The following ASIP variants were observed in gnomAD, a reference collection of about 807,000 sequenced individuals.
ASIP encodes agouti-signaling protein.
In ASIP, 11 loss-of-function variants were observed where a neutral mutation model predicts 10.3. That is an observed-to-expected ratio of 1.07 (90% confidence interval 0.68 to 1.78). The LOEUF is 1.78. ASIP is among the 40% of genes most tolerant of loss of function. ASIP has a pLI of 0.00. For synonymous variants in ASIP, 70 were observed against 70.8 expected, an observed-to-expected ratio of 0.99 and a Z score of 0.06; for missense variants, 180 against 169.2, an observed-to-expected ratio of 1.06 and a Z score of -0.35.
At position 34,215,535 on chromosome 20, in the gene ASIP, T is replaced by C. The variant is rs1484446811; in HGVS notation, c.-11+20775T>C. ...TGTCAAAAAAAAAACTTGGGCCACT[T>C]AGTGAGATATTCTGCAACAAAAAGC... On this transcript the variant is annotated intron_variant, in intron 1 of 3. Coordinates refer to the ASIP transcript ENST00000568305. The C allele has an allele frequency of 1.8e-5, 27 of 1,516,182 alleles. 1 individual carries two copies. The highest frequency in any genetic ancestry group is 1.7e-4 in the Middle Eastern group (1 of 5,900). 93.9% of individuals were successfully genotyped at this position (1,516,182 alleles called of 1,614,324 possible).
At chr20:34,261,742 C>T (rs1186122385) in intron 2 of ASIP, among the ~76,000 whole-genome samples, 1 of 152,128 alleles carries the variant, frequency 6.6e-6, no homozygotes, top group Admixed American at 6.6e-5. Flanking sequence ...GTCGACGCTG[C>T]AGTGAGCTAT....
intron 3 of ASIP, among the ~76,000 whole-genome samples, chr20:34,264,099 A>G (rs949295021): frequency 6.6e-6 from 1 of 152,248 alleles, no homozygotes; most frequent in African/African-American, 2.4e-5. Flanking sequence ...TGTAGATACT[A>G]GTCTATTTTA....
intron 1 of ASIP, among the ~76,000 whole-genome samples, chr20:34,211,799 T>G (rs371270919): frequency 2.0e-5 from 3 of 152,366 alleles, no homozygotes; most frequent in East Asian, 3.9e-4. Context: ...GTAAACTGAC[T>G]TTTTTCTTGT....
At chr20:34,236,185 G>A (rs1230325978) in intron 1 of ASIP, among the ~76,000 whole-genome samples, 1 of 151,294 alleles carries the variant, frequency 6.6e-6, no homozygotes, top group Non-Finnish European at 1.5e-5. Flanking sequence ...AGAAAGAAAA[G>A]GCTAAACCTG....
At chr20:34,192,823 T>G (rs2034832773), upstream of ASIP, among the ~76,000 whole-genome samples, 1 of 152,204 alleles carries the variant, frequency 6.6e-6, no homozygotes, top group East Asian at 1.9e-4. Context: ...TTAAAAAAAT[T>G]TTATGGATAC....
At chr20:34,213,399 G>T in intron 1 of ASIP, 1 of 686,764 alleles carries the variant, frequency 1.5e-6, no homozygotes, top group Non-Finnish European at 2.5e-6. Flanking sequence ...GTGGAGTGTT[G>T]CTATAACCAA....
rs1568745269 is a variant in ASIP, at chr20:34,203,442, A to ACAG, written c.-11+8682_-11+8683insCAG. 3.7e-4 allele frequency among the ~76,000 whole-genome samples: 56 copies of ACAG among 151,874 alleles called. No homozygotes were observed. In the South Asian group the frequency reaches 7.5e-3, roughly 20 times the overall value. ...AGACACGGTTTCACTCTGTCACTCAAGCTGGAGTGCAGTGGCATGATTTTG... is the reference window on the plus strand; with the variant it reads ...AGACACGGTTTCACTCTGTCACTCAACAGGCTGGAGTGCAGTGGCATGATTTTG... On this transcript the variant is annotated intron_variant, in intron 1 of 3. Coordinates refer to the ASIP transcript ENST00000568305.
chr20:34,240,976 C>G (rs1007125109), upstream of ASIP, among the ~76,000 whole-genome samples: 1 of 152,146 alleles, frequency 6.6e-6, no homozygotes, highest in Non-Finnish European at 1.5e-5. Flanking sequence ...GGGAAGCCAG[C>G]TCTGGGAGAT....
intron 3 of ASIP, among the ~76,000 whole-genome samples, chr20:34,265,062 T>A (rs1194367630): frequency 6.6e-6 from 1 of 152,158 alleles, no homozygotes; most frequent in African/African-American, 2.4e-5. Context: ...CCTAAACTGC[T>A]GGGATTACCT....
chr20:34,215,793 C>T, intron 1 of ASIP: 1 of 1,543,486 alleles, frequency 6.5e-7, no homozygotes, highest in South Asian at 1.1e-5. Context: ...ACCTGCCAGG[C>T]ATCTGGGGAA....
chr20:34,245,862 A>G (rs1419792489), intron 1 of ASIP: 8 of 834,054 alleles, frequency 9.6e-6, no homozygotes, highest in Non-Finnish European at 1.1e-5. Context: ...ATTCTACAGT[A>G]AATATATATA....
chr20:34,187,610 G>A, the ASIP span, among the ~76,000 whole-genome samples: 14 of 152,148 alleles, frequency 9.2e-5, no homozygotes, highest in African/African-American at 2.9e-4. Flanking sequence ...TTTATAAATG[G>A]CAGTGACAGA....
intron 3 of ASIP, among the ~76,000 whole-genome samples, chr20:34,268,479 T>C (rs2035826958): frequency 6.6e-6 from 1 of 151,942 alleles, no homozygotes; most frequent in African/African-American, 2.4e-5. Flanking sequence ...ACCCAGCACT[T>C]TGGGAGGCCG....
At chr20:34,202,463 G>A (rs535775191) in intron 1 of ASIP, among the ~76,000 whole-genome samples, 1 of 152,270 alleles carries the variant, frequency 6.6e-6, no homozygotes, top group South Asian at 2.1e-4. Flanking sequence ...ATGAATTGTG[G>A]TGAATGGCAA....
At chr20:34,237,517 G>A (rs2035226336), upstream of ASIP, among the ~76,000 whole-genome samples, 1 of 152,010 alleles carries the variant, frequency 6.6e-6, no homozygotes, top group South Asian at 2.1e-4. Flanking sequence ...CTGCTACTTT[G>A]CTAAACTGAT....
chr20:34,257,171 C>A (rs2035588239), intron 1 of ASIP, among the ~76,000 whole-genome samples: 1 of 151,732 alleles, frequency 6.6e-6, no homozygotes, highest in Admixed American at 6.6e-5. Context: ...GCAACTTCCT[C>A]CCCCTGGGTT....
chr20:34,201,150 A>AT (rs1202973457), intron 1 of ASIP, among the ~76,000 whole-genome samples: 1 of 151,448 alleles, frequency 6.6e-6, no homozygotes, highest in Non-Finnish European at 1.5e-5. Flanking sequence ...CACTTGGGAT[A>AT]TTTTTTACTT....
intron 1 of ASIP, among the ~76,000 whole-genome samples, chr20:34,199,761 G>A (rs1451450934): frequency 1.3e-5 from 2 of 152,184 alleles, no homozygotes; most frequent in Admixed American, 6.5e-5. Flanking sequence ...GCTATGTGGA[G>A]TCACACTGGA....
intron 1 of ASIP, among the ~76,000 whole-genome samples, chr20:34,258,971 G>C (rs566889083): frequency 1.4e-5 from 2 of 145,602 alleles, no homozygotes; most frequent in African/African-American, 5.1e-5. Context: ...GGGAGGCTTA[G>C]GTGGGAGGAT....
Sources: gnomAD v4.1 joint callset for allele counts (sites outside exome capture counted in the v4.1 genomes callset) on GRCh38, gnomAD v4.1.1 for gene constraint, MANE v1.5 for transcripts, NCBI Gene and HGNC (gene_info 2026-07-23, HGNC 2026-07-21) for gene names.